Variants in RAI1 observed in about 807,000 individuals in gnomAD.
The protein encoded by RAI1 is retinoic acid induced 1.
In RAI1, 9 loss-of-function variants were observed where a neutral mutation model predicts 123.8. That is an observed-to-expected ratio of 0.07 (90% CI 0.04 to 0.13). The LOEUF (loss-of-function observed/expected upper bound fraction) is 0.13. RAI1 is among the 10% of genes least tolerant of loss of function. RAI1 has a pLI of 1.00. For missense variants in RAI1, 2,256 were observed against 2,545.8 expected, an observed-to-expected ratio of 0.89 and a Z score of 2.45; for synonymous variants, 1,231 against 1,127.3, an observed-to-expected ratio of 1.09 and a Z score of -1.84.
chr17:17,744,037 G>A (rs1367809761), intron 2 of RAI1, among the ~76,000 whole-genome samples: 1 of 152,194 alleles, frequency 6.6e-6, no homozygotes, highest in Non-Finnish European at 1.5e-5. Flanking sequence ...GCACAGTTCT[G>A]GCCACACAGT....
chr17:17,688,197 A>T (rs930449943), intron 1 of RAI1, among the ~76,000 whole-genome samples: 2 of 151,512 alleles, frequency 1.3e-5, no homozygotes, highest in African/African-American at 2.4e-5. Flanking sequence ...TAAAATGAGG[A>T]TAATAGGCAG....
chr17:17,744,789 CAAAAAA>C (rs58984430), intron 2 of RAI1, among the ~76,000 whole-genome samples: 4 of 46,808 alleles, frequency 8.5e-5, no homozygotes, highest in African/African-American at 3.3e-4. Flanking sequence ...GACTCCGTCT[CAAAAAA>C]AAAAAAAAAA....
At chr17:17,719,515 C>G (rs560693894) in intron 1 of RAI1, among the ~76,000 whole-genome samples, 2 of 152,366 alleles carry the variant, frequency 1.3e-5, no homozygotes, top group East Asian at 3.9e-4. Context: ...GCTCTGACCA[C>G]TCAGTGTAGA....
At chr17:17,768,212 C>A (rs2031013914) in intron 2 of RAI1, among the ~76,000 whole-genome samples, 1 of 152,198 alleles carries the variant, frequency 6.6e-6, no homozygotes, top group Non-Finnish European at 1.5e-5. Flanking sequence ...GTCCCATGGT[C>A]TAGCCAGGAC....
intron 2 of RAI1, among the ~76,000 whole-genome samples, chr17:17,776,009 C>CA (rs2031331917): frequency 6.6e-6 from 1 of 152,266 alleles, no homozygotes; most frequent in South Asian, 2.1e-4. Flanking sequence ...GCTGTGTACC[C>CA]ACTGAGGAGG....
At position 17,795,109 on chromosome 17, in the gene RAI1, C is replaced by T; in HGVS notation, c.2161C>T (p.Pro721Ser). 1 of 1,614,096 alleles carries T rather than the reference C, an allele frequency of 6.2e-7. No individual in the cohort carries two copies. Among genetic ancestry groups the T allele is most frequent in the Non-Finnish European group, 8.5e-7 (1 of 1,180,030 alleles). Residue 721 changes from proline to serine, a missense_variant, in exon 3 of 6, where the codon CCC becomes TCC. Transcript: ENST00000353383. The surrounding 1 kb of genome is among the most constrained non-coding windows in gnomAD (Gnocchi z 5.9). ...KPTLGVPAPD[P>S]TTAAFDCFPD... ...CACCCTTGGGGTTCCTGCTCCAGACCCCACTACAGCAGCTTTTGACTGTTT... is the reference window on the plus strand; with the variant it reads ...CACCCTTGGGGTTCCTGCTCCAGACTCCACTACAGCAGCTTTTGACTGTTT...
At chr17:17,723,720 A>C (rs1277111058) in intron 1 of RAI1, among the ~76,000 whole-genome samples, 1 of 112,452 alleles carries the variant, frequency 8.9e-6, no homozygotes, top group Non-Finnish European at 1.8e-5. Flanking sequence ...CCTTCCCCCG[A>C]GTCTGGGGCG....
chr17:17,791,260 G>C (rs1382191291), intron 2 of RAI1, among the ~76,000 whole-genome samples: 2 of 152,218 alleles, frequency 1.3e-5, no homozygotes, highest in South Asian at 2.1e-4. Context: ...GCTGCCCTGG[G>C]CTTGCCCTGC....
chr17:17,788,454 C>G (rs2031904055), intron 2 of RAI1, among the ~76,000 whole-genome samples: 1 of 152,134 alleles, frequency 6.6e-6, no homozygotes, highest in Admixed American at 6.5e-5. Context: ...ATTGATTATT[C>G]ATCACCCACA....
chr17:17,740,806 G>A lies in RAI1; in HGVS notation c.-17+16647G>A, dbSNP rs993932689. On this transcript the variant is annotated intron_variant, in intron 2 of 5. Transcript: ENST00000353383. ...CCCGGCAAGCCCCAGGACAGATCCC[G>A]TTTTGGTTTTCGCCAGAACAAAGCA... Among the ~76,000 whole-genome samples, 28 of 152,170 alleles carry A rather than the reference G, an allele frequency of 1.8e-4. 1 individual carries two copies. Among genetic ancestry groups the A allele is most frequent in the Admixed American group, 1.6e-3 (24 of 15,284 alleles).
Position 17,801,939 on chromosome 17 carries a change from TGG to T in RAI1, c.5566-1816_5566-1815del, listed in dbSNP as rs2143004739. 1 of 401,676 alleles carries T rather than the reference TGG, an allele frequency of 2.5e-6. No homozygotes were observed. Among genetic ancestry groups the T allele is most frequent in the Non-Finnish European group, 5.0e-6 (1 of 198,228 alleles). The allele number at this position is 401,676 out of a possible 1,614,324, so 24.9% of individuals were successfully genotyped here. ...TGGGCATGAGGCTTCCAGCCATGCC[TGG>T]CACATAGGAAGCTATTGTCGTTTGT... On this transcript the variant is annotated intron_variant, in intron 3 of 5. Transcript: ENST00000353383. The surrounding 1 kb of genome is among the most constrained non-coding windows in gnomAD (Gnocchi z 4.1).
chr17:17,761,225 G>A (rs2142992339), intron 2 of RAI1, among the ~76,000 whole-genome samples: 1 of 151,820 alleles, frequency 6.6e-6, no homozygotes, highest in Non-Finnish European at 1.5e-5. Flanking sequence ...TAAGTGCTTG[G>A]CAAATGAAAA....
Position 17,795,337 on chromosome 17 carries a change from G to C in RAI1, c.2389G>C (p.Asp797His). The change falls in exon 3 of 6, where the codon GAC (aspartate) becomes CAC (histidine). Residue 797 changes from aspartate (D) to histidine (H), a missense_variant. This residue lies in a region of RAI1 where 566 missense variants were observed against 616.0 expected (regional missense o/e 0.92). Transcript: ENST00000353383. The surrounding 1 kb of genome is among the most constrained non-coding windows in gnomAD (Gnocchi z 5.9). The stretch of plus-strand genomic sequence containing the variant: ...GGCCTGCCTGGGCTTCCAGGAGGAG[G>C]ACCCCCCTGGGGAGAAGGTGGCCTC... ...ASACLGFQEEDPPGEKVASLP... is the reference protein window; with the variant it reads ...ASACLGFQEEHPPGEKVASLP... 9 of 1,602,684 alleles carry C rather than the reference G, an allele frequency of 5.6e-6. No individual in the cohort carries two copies. Among genetic ancestry groups the C allele is most frequent in the Non-Finnish European group, 6.8e-6 (8 of 1,172,136 alleles).
intron 3 of RAI1, among the ~76,000 whole-genome samples, chr17:17,802,748 C>T (rs777527796): frequency 2.6e-5 from 4 of 151,502 alleles, no homozygotes; most frequent in Admixed American, 6.6e-5. Flanking sequence ...TGCTCTCTAG[C>T]CTGGGCAACA....
At chr17:17,741,823 A>G (rs919798465) in intron 2 of RAI1, among the ~76,000 whole-genome samples, 7 of 152,272 alleles carry the variant, frequency 4.6e-5, no homozygotes, top group African/African-American at 1.2e-4. Flanking sequence ...CCTGTCGGCC[A>G]GGGCCAAGCT....
chr17:17,758,139 T>C (rs1329507293), intron 2 of RAI1, among the ~76,000 whole-genome samples: 1 of 152,222 alleles, frequency 6.6e-6, no homozygotes, highest in Non-Finnish European at 1.5e-5. Flanking sequence ...CCGAGCGTTT[T>C]ACATAGCAAC....
Position 17,796,627 on chromosome 17 carries a change from G to A in RAI1, c.3679G>A (p.Ala1227Thr), listed in dbSNP as rs1415817194. 1 of 1,611,972 alleles carries A rather than the reference G, an allele frequency of 6.2e-7. No individual in the cohort carries two copies. The highest frequency in any genetic ancestry group is 8.5e-7 in the Non-Finnish European group (1 of 1,179,468). Residue 1227 changes from alanine (A) to threonine (T), a missense_variant, in exon 3 of 6, where the codon GCC (alanine) becomes ACC (threonine). Coordinates refer to ENST00000353383, the MANE Select transcript of RAI1 (RefSeq NM_030665.4). The surrounding 1 kb of genome is among the most constrained non-coding windows in gnomAD (Gnocchi z 5.8). ...CCTCCATGCGCTCAAAAGGAAGTCG[G>A]CCTTCATGGCGCCGGTCCCCACCAA... ...RPLHALKRKS[A>T]FMAPVPTKKR...
At chr17:17,718,774 TCAGA>T (rs1395125153) in intron 1 of RAI1, among the ~76,000 whole-genome samples, 2 of 152,064 alleles carry the variant, frequency 1.3e-5, no homozygotes, top group Non-Finnish European at 1.5e-5. Flanking sequence ...CCCTGCTGAC[TCAGA>T]CAGGGCACAG....
chr17:17,783,475 G>C (rs1316491896), intron 2 of RAI1, among the ~76,000 whole-genome samples: 1 of 152,064 alleles, frequency 6.6e-6, no homozygotes. Flanking sequence ...GAGTCCTGCG[G>C]ATTTTCTCCG....
Sources: gnomAD v4.1 joint callset for allele counts (sites outside exome capture counted in the v4.1 genomes callset) on GRCh38, gnomAD v4.1.1 for gene constraint, gnomAD v4.1.1 regional missense constraint, Gnocchi (gnomAD v3.1) non-coding constraint, MANE v1.5 for transcripts, NCBI Gene and HGNC (gene_info 2026-07-23, HGNC 2026-07-21) for gene names.